Variants in RRAGD observed in about 807,000 individuals in gnomAD.
RRAGD encodes ras-related GTP-binding protein D.
A neutral mutation model predicts 35.5 loss-of-function variants in RRAGD; 12 were observed. The ratio of observed to expected loss-of-function variants is 0.34; its 90% confidence interval spans 0.22 to 0.55. The LOEUF (loss-of-function observed/expected upper bound fraction) is 0.55, where lower values mean the gene tolerates loss of function less well. Ranked by LOEUF, RRAGD falls within the 20% of genes least tolerant of loss-of-function variation. The probability of loss-of-function intolerance (pLI) is 0.91; values close to 1 mark genes in which losing one functional copy is unlikely to be tolerated. For synonymous variants in RRAGD, 155 were observed against 178.9 expected, an observed-to-expected ratio of 0.87 and a Z score of 1.07; for missense variants, 324 against 490.1, an observed-to-expected ratio of 0.66 and a Z score of 3.20.
intron 1 of RRAGD, among the ~76,000 whole-genome samples, chr6:89,404,925 A>G (rs1364213901): frequency 6.6e-6 from 1 of 152,242 alleles, no homozygotes; most frequent in Non-Finnish European, 1.5e-5. Flanking sequence ...CTCTACAGGA[A>G]GAATGAGATA....
intron 5 of RRAGD, among the ~76,000 whole-genome samples, chr6:89,372,879 G>A (rs1397344403): frequency 6.6e-6 from 1 of 152,200 alleles, no homozygotes; most frequent in Non-Finnish European, 1.5e-5. Flanking sequence ...CGTGGCCAAG[G>A]GCTTCTTGTT....
intron 1 of RRAGD, among the ~76,000 whole-genome samples, chr6:89,407,129 A>G (rs1192039580): frequency 2.0e-5 from 3 of 152,130 alleles, no homozygotes; most frequent in African/African-American, 7.2e-5. Context: ...AATGGAGCCG[A>G]AGTCTTTCTC....
intron 1 of RRAGD, among the ~76,000 whole-genome samples, chr6:89,400,281 T>G (rs1331598262): frequency 2.0e-5 from 3 of 152,042 alleles, no homozygotes; most frequent in Non-Finnish European, 4.4e-5. Flanking sequence ...CTAGAAAATA[T>G]CGGAGCACAT....
chr6:89,408,482 A>G (rs955561089), intron 1 of RRAGD, among the ~76,000 whole-genome samples: 5 of 152,220 alleles, frequency 3.3e-5, no homozygotes, highest in African/African-American at 1.2e-4. Flanking sequence ...AGAGAGACCC[A>G]GTCCCTTCCC....
At position 89,380,229 on chromosome 6, in the gene RRAGD, C is replaced by G; in HGVS notation, c.583G>C (p.Asp195His). ...SDDHKIETQR[D>H]IHQRANDDLA... ...TCATCGTTTGCCCTCTGGTGAATAT[C>G]TCTTTGGGTTTCAATTTTGTGGTCA... The change falls in exon 3 of 7, where the codon GAT becomes CAT. Residue 195 changes from aspartate (D) to histidine (H), a missense_variant. Transcript: ENST00000369415. The G allele has an allele frequency of 6.2e-7, 1 of 1,614,224 alleles. No homozygotes were observed. Among genetic ancestry groups the G allele is most frequent in the Non-Finnish European group, 8.5e-7 (1 of 1,180,046 alleles).
At position 89,365,016 on chromosome 6, in the gene RRAGD, C is replaced by T. The variant is rs1298906561; in HGVS notation, c.*3040G>A. 1 of 152,140 alleles carries T rather than the reference C, an allele frequency of 6.6e-6. No homozygotes were observed. Among genetic ancestry groups the T allele is most frequent in the African/African-American group, 2.4e-5 (1 of 41,418 alleles). The allele number at this position is 152,140 out of a possible 1,614,324, so 9.4% of individuals were successfully genotyped here. A position where few individuals can be genotyped will look rare whatever the true frequency, so the allele number is the denominator to read the frequency against. ...CAGTCTGTACAAGTTGAATACATAC[C>T]ATACTTTAATAACCAAGACAATTCA... On this transcript the variant is annotated 3_prime_UTR_variant, in exon 7 of 7. Coordinates refer to ENST00000369415, the MANE Select transcript of RRAGD (RefSeq NM_021244.5).
chr6:89,397,633 C>A (rs6938684), intron 1 of RRAGD, among the ~76,000 whole-genome samples: 94,414 of 145,298 alleles, frequency 0.65, 31,335 homozygotes, highest in African/African-American at 0.87. Context: ...ACAAAAAAAA[C>A]CTGTAAACAA....
intron 5 of RRAGD, among the ~76,000 whole-genome samples, chr6:89,376,234 C>T (rs9362648): frequency 0.032 from 4,912 of 151,964 alleles, 312 homozygotes; most frequent in East Asian, 0.27. Flanking sequence ...GGTAAAGGCA[C>T]GTTATGAGCC....
In RRAGD at chr6:89,404,547, C is replaced by T. The variant is rs574578123; in HGVS notation, c.148+7299G>A. The stretch of plus-strand genomic sequence containing the variant: ...CAGATTTTCCAGAGATCTCAGCCTT[C>T]GAACTGGACTGCTGTAGACCCCAGG... On this transcript the variant is annotated intron_variant, in intron 1 of 6. Transcript: ENST00000369415. Among the ~76,000 whole-genome samples the T allele has an allele frequency of 3.3e-5, 5 of 152,202 alleles. No individual in the cohort carries two copies. The East Asian group carries it at 7.7e-4, about 24-fold the overall frequency.
chr6:89,377,374 G>C (rs1272210410), intron 5 of RRAGD, among the ~76,000 whole-genome samples: 1 of 152,198 alleles, frequency 6.6e-6, no homozygotes, highest in Non-Finnish European at 1.5e-5. Flanking sequence ...AGCTACTCGA[G>C]AGGCTGAGGT....
chr6:89,385,470 T>C (rs1322538517), intron 2 of RRAGD, among the ~76,000 whole-genome samples: 1 of 152,120 alleles, frequency 6.6e-6, no homozygotes, highest in African/African-American at 2.4e-5. Context: ...TACAGCAGTG[T>C]GCACACACCC....
rs765225202 is a variant in RRAGD at position 89,368,041 on chromosome 6, T to G, written c.*15A>C. On this transcript the variant is annotated 3_prime_UTR_variant, in exon 7 of 7. Transcript: ENST00000369415. ...GGATAAGGTCTGATTTCAAAAGACA[T>G]TCCTGAAACCTCACCTACAGCAGCA... 1 of 1,578,630 alleles carries G rather than the reference T, an allele frequency of 6.3e-7. No individual in the cohort carries two copies. Among genetic ancestry groups the G allele is most frequent in the South Asian group, 1.2e-5 (1 of 85,444 alleles).
intron 1 of RRAGD, among the ~76,000 whole-genome samples, chr6:89,410,615 G>A (rs1769674103): frequency 1.3e-5 from 2 of 152,206 alleles, no homozygotes; most frequent in Admixed American, 6.5e-5. Flanking sequence ...CATCCCAAGA[G>A]AGAAAACGCT....
intron 2 of RRAGD, among the ~76,000 whole-genome samples, chr6:89,381,267 TC>T (rs1198132756): frequency 1.3e-5 from 2 of 152,198 alleles, no homozygotes; most frequent in Admixed American, 1.3e-4. Flanking sequence ...GAGAAACTCC[TC>T]AGAGACAGTA....
chr6:89,404,897 C>T (rs9342195), intron 1 of RRAGD, among the ~76,000 whole-genome samples: 15,216 of 152,142 alleles, frequency 0.1, 1,548 homozygotes, highest in East Asian at 0.27. Context: ...TTGGCCCTGC[C>T]ATCCTAAGCT....
rs1461837722 is a variant in RRAGD at position 89,368,168 on chromosome 6, A to G, written c.1091T>C (p.Ile364Thr). The G allele has an allele frequency of 6.2e-7, 1 of 1,614,048 alleles. No individual in the cohort carries two copies. The highest frequency in any genetic ancestry group is 1.7e-5 in the Admixed American group (1 of 60,004). The part of the protein sequence containing the change: ...DYNFHCFRKA[I>T]HEVFEVRMKV... Reference sequence around the variant, plus strand: ...CATTCTCACCTCAAAAACTTCATGAATGGCCTTCCGGAAGCAATGAAAATT... The same window carrying G: ...CATTCTCACCTCAAAAACTTCATGAGTGGCCTTCCGGAAGCAATGAAAATT... The change falls in exon 7 of 7, where the codon ATT (isoleucine) becomes ACT (threonine). Residue 364 changes from isoleucine (I) to threonine (T), a missense_variant. Coordinates refer to ENST00000369415, the MANE Select transcript of RRAGD (RefSeq NM_021244.5).
intron 1 of RRAGD, among the ~76,000 whole-genome samples, chr6:89,403,462 T>C (rs1769516933): frequency 6.6e-6 from 1 of 150,834 alleles, no homozygotes. Context: ...AACAAAAAAC[T>C]GTCAAGGTGT....
At chr6:89,398,078 T>G (rs1769374579) in intron 1 of RRAGD, among the ~76,000 whole-genome samples, 1 of 150,034 alleles carries the variant, frequency 6.7e-6, no homozygotes, top group African/African-American at 2.5e-5. Flanking sequence ...ACCCAGGAGG[T>G]GGAAGTTAGT....
intron 1 of RRAGD, among the ~76,000 whole-genome samples, chr6:89,410,926 G>T (rs951174341): frequency 6.6e-6 from 1 of 152,176 alleles, no homozygotes; most frequent in Non-Finnish European, 1.5e-5. Context: ...ATAACATCAT[G>T]TTTAACAGCC....
Sources: gnomAD v4.1 joint callset for allele counts (sites outside exome capture counted in the v4.1 genomes callset) on GRCh38, gnomAD v4.1.1 for gene constraint, MANE v1.5 for transcripts, NCBI Gene and HGNC (gene_info 2026-07-23, HGNC 2026-07-21) for gene names.